PSMD13: variants seen among roughly 807,000 people sequenced by gnomAD.
The protein encoded by PSMD13 is proteasome 26S subunit, non-ATPase 13.
PSMD13 carries 8 observed loss-of-function variants against 57.4 expected under a neutral mutation model. The observed-to-expected ratio is 0.14, with a 90% CI of 0.08 to 0.25. The LOEUF (loss-of-function observed/expected upper bound fraction) is 0.25, where lower values mean the gene tolerates loss of function less well. Ranked by LOEUF, PSMD13 falls within the 10% of genes least tolerant of loss-of-function variation. The probability of loss-of-function intolerance (pLI) is 1.00; values close to 1 mark genes in which losing one functional copy is unlikely to be tolerated. For synonymous variants in PSMD13, 193 were observed against 168.2 expected (o/e 1.15, Z -1.14); for missense variants, 400 against 461.5 (o/e 0.87, Z 1.22).
Position 240,101 on chromosome 11 carries a change from C to CTTTTTTTTTTTTTTTTTTTTTT in PSMD13, c.174+1031_174+1052dup, listed in dbSNP as rs60869932. ...GTGGGAAAATGATAAATGAGACCTG[C>CTTTTTTTTTTTTTTTTTTTTTT]TTTTTTTTTTTTTTTTTTTTTTTTT... On this transcript the variant is annotated intron_variant, in intron 2 of 12. Transcript: ENST00000532097. Among the ~76,000 whole-genome samples the CTTTTTTTTTTTTTTTTTTTTTT allele has an allele frequency of 1.4e-4, 7 of 51,428 alleles. 1 individual carries two copies. Among genetic ancestry groups the CTTTTTTTTTTTTTTTTTTTTTT allele is most frequent in the East Asian group, 7.5e-4 (1 of 1,326 alleles). The allele number at this position is 51,428 out of a possible 152,430, so 33.7% of individuals were successfully genotyped here.
intron 7 of PSMD13, chr11:248,077 C>T (rs7129263): frequency 0.34 from 51,020 of 151,580 alleles, 8,817 homozygotes; most frequent in Admixed American, 0.35. Context: ...CCGCCCACCC[C>T]TCTGCTGCAG....
rs146659445 is a variant in PSMD13, at chr11:240,737, G to T, written c.174+1661G>T. 1.9e-3 allele frequency among the ~76,000 whole-genome samples: 296 copies of T among 152,246 alleles called. 1 individual carries two copies. The highest frequency in any genetic ancestry group is 6.5e-3 in the African/African-American group (269 of 41,560). On this transcript the variant is annotated intron_variant, in intron 2 of 12. Coordinates refer to ENST00000532097, the MANE Select transcript of PSMD13 (RefSeq NM_002817.4). ...GCTTCTTTTTTAAGGTAATTTTTTA[G>T]ATTAATACATGTCAGGAAAGTTCAA...
intron 2 of PSMD13, among the ~76,000 whole-genome samples, chr11:242,176 C>G (rs1859530305): frequency 6.7e-6 from 1 of 149,264 alleles, no homozygotes; most frequent in African/African-American, 2.5e-5. Context: ...ACTGTATTGT[C>G]ATTTATTTGT....
intron 7 of PSMD13, among the ~76,000 whole-genome samples, chr11:248,433 G>A (rs1034248734): frequency 6.6e-6 from 1 of 152,114 alleles, no homozygotes; most frequent in Admixed American, 6.5e-5. Flanking sequence ...AGTTAGTTCT[G>A]GTCTGAAAAG....
intron 7 of PSMD13, 181 bp downstream of exon 7, chr11:247,629 C>T (rs185361724): frequency 0.014 from 7,790 of 570,722 alleles, 78 homozygotes; most frequent in Middle Eastern, 0.021. Flanking sequence ...GTCAGGAGTT[C>T]GAGACCAGCC....
chr11:242,499 A>G (rs1859535918), intron 2 of PSMD13, among the ~76,000 whole-genome samples: 1 of 152,092 alleles, frequency 6.6e-6, no homozygotes, highest in Non-Finnish European at 1.5e-5. Flanking sequence ...TAAGATTTCA[A>G]GTAACTTATT....
intron 6 of PSMD13, among the ~76,000 whole-genome samples, chr11:245,211 G>A (rs570536285): frequency 3.3e-5 from 5 of 152,302 alleles, no homozygotes; most frequent in East Asian, 3.9e-4. Context: ...CCAAAGTGCT[G>A]GGATTACAGC....
rs911919150 is a variant in PSMD13, at chr11:252,845, A to G, written c.*245A>G. On this transcript the variant is annotated 3_prime_UTR_variant, in exon 13 of 13. Coordinates refer to ENST00000532097, the MANE Select transcript of PSMD13 (RefSeq NM_002817.4). This position sits in a 1 kb window ranked among gnomAD's most constrained non-coding sequence, Gnocchi z 4.1. ...GTCTCAGGGTCTTAGGTGATACGGG[A>G]GAGAAAGAACGTGCCAGGCAGGAGG... 6 of 465,500 alleles carry G rather than the reference A, an allele frequency of 1.3e-5. No individual in the cohort carries two copies. The highest frequency in any genetic ancestry group is 1.1e-4 in the East Asian group (3 of 28,490). 28.8% of individuals were successfully genotyped at this position (465,500 alleles called of 1,614,324 possible). A position where few individuals can be genotyped will look rare whatever the true frequency, so the allele number is the denominator to read the frequency against.
In PSMD13 at chr11:251,057, C is replaced by T. The variant is rs3782113; in HGVS notation, c.837+192C>T. 4.6e-5 allele frequency: 27 copies of T among 582,686 alleles called. No individual in the cohort carries two copies. The highest frequency in any genetic ancestry group is 2.8e-5 in the Non-Finnish European group (9 of 325,338). The allele number at this position is 582,686 out of a possible 1,614,324, so 36.1% of individuals were successfully genotyped here. A position where few individuals can be genotyped will look rare whatever the true frequency, so the allele number is the denominator to read the frequency against. ...TTCTAAGTTTATATTTGGCTCTTAG[C>T]TCAGACGACACCCTCCCACCCCACT... On this transcript the variant is annotated intron_variant, in intron 10 of 12. Coordinates refer to ENST00000532097, the MANE Select transcript of PSMD13 (RefSeq NM_002817.4). The surrounding 1 kb of genome is among the most constrained non-coding windows in gnomAD (Gnocchi z 4.6).
In PSMD13 at chr11:248,868, T is replaced by C; in HGVS notation, c.648+13T>C. On this transcript the variant is annotated intron_variant, in intron 8 of 12. Transcript: ENST00000532097. Reference sequence around the variant, plus strand: ...CTTTGGAGAACTCGTAAGTTGACCCTGAGCTCAGCTTCCTTAACGAGAGAG... The same window carrying C: ...CTTTGGAGAACTCGTAAGTTGACCCCGAGCTCAGCTTCCTTAACGAGAGAG... 6.2e-7 allele frequency: 1 copy of C among 1,614,148 alleles called. No homozygotes were observed. The highest frequency in any genetic ancestry group is 8.5e-7 in the Non-Finnish European group (1 of 1,179,974).
Position 248,953 on chromosome 11 carries a change from T to C in PSMD13, c.670T>C (p.Ser224Pro). 1.2e-6 allele frequency: 2 copies of C among 1,614,020 alleles called. No individual in the cohort carries two copies. The highest frequency in any genetic ancestry group is 1.6e-4 in the Middle Eastern group (1 of 6,062). Residue 224 changes from serine (S) to proline (P), a missense_variant, in exon 9 of 13, where the codon TCC (serine) becomes CCC (proline). Coordinates refer to ENST00000532097, the MANE Select transcript of PSMD13 (RefSeq NM_002817.4). ...GELLMHPVLE[S>P]LRNTDRQWLI... ...ACAGCTCATGCACCCTGTGCTGGAG[T>C]CCCTGAGGAATACTGACCGGCAGTG...
chr11:248,655 G>C (rs996685767), intron 7 of PSMD13, 121 bp from the exon 8 acceptor site: 15 of 949,284 alleles, frequency 1.6e-5, no homozygotes, highest in Non-Finnish European at 2.5e-5. Context: ...TAATGTCAAG[G>C]CTTTGTAATA....
chr11:242,537 T>C (rs1046184094), intron 2 of PSMD13, among the ~76,000 whole-genome samples: 16 of 147,860 alleles, frequency 1.1e-4, no homozygotes, highest in East Asian at 5.9e-4. Flanking sequence ...TTTTAAGATA[T>C]TCTTTCTTCC....
At chr11:245,726 TTGTG>T (rs1216426415) in intron 6 of PSMD13, among the ~76,000 whole-genome samples, 10 of 83,448 alleles carry the variant, frequency 1.2e-4, no homozygotes, top group African/African-American at 4.0e-4. Context: ...GTGTGTGTGT[TTGTG>T]TGTGTGTGTG....
chr11:243,179 T>G lies in PSMD13; in HGVS notation c.175-862T>G, dbSNP rs530323396. The G allele has an allele frequency of 6.2e-4, 394 of 631,474 alleles. 1 individual carries two copies. The highest frequency in any genetic ancestry group is 2.7e-4 in the Non-Finnish European group (87 of 322,874). 39.1% of individuals were successfully genotyped at this position (631,474 alleles called of 1,614,324 possible). On this transcript the variant is annotated intron_variant, in intron 2 of 12. Coordinates refer to ENST00000532097, the MANE Select transcript of PSMD13 (RefSeq NM_002817.4). ...CACCTCCTGTTTTTTTGTGTCCTTG[T>G]TTTTAATTTAGGTATCATTTATGCT...
Position 244,759 on chromosome 11 carries a change from A to C in PSMD13, c.394A>C (p.Lys132Gln). The C allele has an allele frequency of 6.2e-7, 1 of 1,604,628 alleles. No individual in the cohort carries two copies. The highest frequency in any genetic ancestry group is 8.5e-7 in the Non-Finnish European group (1 of 1,171,934). The change falls in exon 6 of 13, where the codon AAG becomes CAG. Residue 132 changes from lysine (K) to glutamine (Q), a missense_variant and splice_region_variant. By Grantham distance (53) the Lys-to-Gln change is moderately conservative. Coordinates refer to ENST00000532097, the MANE Select transcript of PSMD13 (RefSeq NM_002817.4). ...KLNIGDLQVT[K>Q]ETIEDVEEML... Reference sequence around the variant, plus strand: ...AAACATCGGGGACCTACAGGTTACAAAGGTGAGATCACCATAATACAGATT... The same window carrying C: ...AAACATCGGGGACCTACAGGTTACACAGGTGAGATCACCATAATACAGATT...
chr11:247,993 C>T (rs1266380839), intron 7 of PSMD13: 1 of 152,894 alleles, frequency 6.5e-6, no homozygotes, highest in Non-Finnish European at 1.5e-5. Flanking sequence ...TGTCCCTTCT[C>T]CAGTCCCTCA....
In PSMD13 at chr11:252,953, G is replaced by T. The variant is rs922124013; in HGVS notation, c.*353G>T. 4.0e-5 allele frequency: 8 copies of T among 197,988 alleles called. No homozygotes were observed. Among genetic ancestry groups the T allele is most frequent in the Non-Finnish European group, 2.1e-5 (2 of 94,302 alleles). The allele number at this position is 197,988 out of a possible 1,614,324, so 12.3% of individuals were successfully genotyped here. ...ATCTTTTCCGTTGCGGTTTGAGAAT[G>T]TTCCTATAATAAACCCCTCTGCTTT... On this transcript the variant is annotated 3_prime_UTR_variant, in exon 13 of 13. Transcript: ENST00000532097. The surrounding 1 kb of genome is among the most constrained non-coding windows in gnomAD (Gnocchi z 4.1).
intron 9 of PSMD13, among the ~76,000 whole-genome samples, chr11:249,621 A>G (rs61876211): frequency 0.89 from 55,148 of 61,972 alleles, 24,596 homozygotes; most frequent in East Asian, 0.96. Flanking sequence ...GTGCGGGGAG[A>G]GGGAGAGGTC....
Sources: gnomAD v4.1 joint callset for allele counts (sites outside exome capture counted in the v4.1 genomes callset) on GRCh38, gnomAD v4.1.1 for gene constraint, Gnocchi (gnomAD v3.1) non-coding constraint, MANE v1.5 for transcripts, NCBI Gene and HGNC (gene_info 2026-07-23, HGNC 2026-07-21) for gene names.